Variants in RFC4 observed in about 807,000 individuals in gnomAD.
RFC4 encodes the protein replication factor C subunit 4.
Under a neutral mutation model 47.6 loss-of-function variants are expected in RFC4, and 38 were observed. The ratio of observed to expected loss-of-function variants is 0.80; its 90% CI spans 0.62 to 1.05. The LOEUF is 1.05. Ranked by LOEUF, RFC4 falls within the 50% of genes least tolerant of loss-of-function variation. The pLI is 0.00. For missense variants in RFC4, 489 were observed against 434.0 expected (o/e 1.13, Z -1.13); for synonymous variants, 164 against 150.0 (o/e 1.09, Z -0.68).
At chr3:186,790,483 C>T (rs1177966579) in intron 8 of RFC4, 77 bp from the exon 9 acceptor site, 3 of 1,007,822 alleles carry the variant, frequency 3.0e-6, no homozygotes, top group East Asian at 2.4e-5. Flanking sequence ...GGCCCCCGTG[C>T]CCCCAGTCAT....
At position 186,804,556 on chromosome 3, in the gene RFC4, T is replaced by G. The variant is rs372712441; in HGVS notation, c.131+27A>C. On this transcript the variant is annotated intron_variant, in intron 2 of 10. Coordinates refer to ENST00000296273, the MANE Select transcript of RFC4 (RefSeq NM_002916.5). ...GGTTAGAGAGATAATTTATGAATTA[T>G]TTTAACAAAGACACAAGTGTTCTTA... 3 of 1,611,500 alleles carry G rather than the reference T, an allele frequency of 1.9e-6. No homozygotes were observed. The African/African-American group carries it at 4.0e-5, about 22-fold the overall frequency.
At chr3:186,797,182 A>AGT (rs570537709) in intron 4 of RFC4, among the ~76,000 whole-genome samples, 273 of 152,358 alleles carry the variant, frequency 1.8e-3, no homozygotes, top group African/African-American at 6.0e-3. Context: ...GTAGCCACAC[A>AGT]GATGTGAACA....
chr3:186,794,907 T>C, intron 4 of RFC4, 130 bp from the exon 5 acceptor site: 1 of 1,008,394 alleles, frequency 9.9e-7, no homozygotes. Flanking sequence ...ACACAATCAC[T>C]TTTGCATTCT....
chr3:186,792,034 TCTTG>T (rs772694577), intron 7 of RFC4, among the ~76,000 whole-genome samples, 184 bp from the exon 8 acceptor site: 8 of 152,230 alleles, frequency 5.3e-5, no homozygotes, highest in African/African-American at 1.7e-4. Context: ...GATAGAGATC[TCTTG>T]CTTCTGAAAT....
chr3:186,804,545 T>C lies in RFC4; in HGVS notation c.131+38A>G, dbSNP rs779526627. 29 of 1,604,192 alleles carry C rather than the reference T, an allele frequency of 1.8e-5. No individual in the cohort carries two copies. In the South Asian group the frequency reaches 2.7e-4, roughly 15 times the overall value. On this transcript the variant is annotated intron_variant, in intron 2 of 10. Coordinates refer to ENST00000296273, the MANE Select transcript of RFC4 (RefSeq NM_002916.5). ...TGATCAGTACTGGTTAGAGAGATAA[T>C]TTATGAATTATTTTAACAAAGACAC...
chr3:186,804,582 C>A lies in RFC4; in HGVS notation c.131+1G>T, dbSNP rs761708733. Reference sequence around the variant, plus strand: ...TTTAACAAAGACACAAGTGTTCTTACTATTTTTCCACCCAGGGAACGGGTT... The same window carrying A: ...TTTAACAAAGACACAAGTGTTCTTAATATTTTTCCACCCAGGGAACGGGTT... On this transcript the variant is annotated splice_donor_variant, in intron 2 of 10. Transcript: ENST00000296273. LOFTEE classifies it high-confidence loss of function. 2.5e-6 allele frequency: 4 copies of A among 1,613,282 alleles called. No individual in the cohort carries two copies. The Admixed American group carries it at 6.7e-5, about 27-fold the overall frequency.
chr3:186,804,225 TGAG>T (rs1722425804), intron 2 of RFC4, among the ~76,000 whole-genome samples: 1 of 152,100 alleles, frequency 6.6e-6, no homozygotes, highest in South Asian at 2.1e-4. Context: ...CCTATTGTAA[TGAG>T]AAGAAGGAGG....
chr3:186,795,608 C>T (rs551476827), intron 4 of RFC4, among the ~76,000 whole-genome samples: 7 of 152,198 alleles, frequency 4.6e-5, no homozygotes, highest in Non-Finnish European at 1.0e-4. Context: ...GCCTGACCAA[C>T]GTGGTGAAAC....
At position 186,793,967 on chromosome 3, in the gene RFC4, C is replaced by CT. The variant is rs1433876114; in HGVS notation, c.410+690dup. Among the ~76,000 whole-genome samples the CT allele has an allele frequency of 3.9e-5, 6 of 152,340 alleles. No homozygotes were observed. In the East Asian group the frequency reaches 1.2e-3, roughly 29 times the overall value. Reference sequence around the variant, plus strand: ...TCGATCTCCTGACCTTGTGATCCACCTGCCTCGGCCTCCCAAAGTGCTGGG... The same window carrying CT: ...TCGATCTCCTGACCTTGTGATCCACCTTGCCTCGGCCTCCCAAAGTGCTGGG... On this transcript the variant is annotated intron_variant, in intron 5 of 10. Coordinates refer to ENST00000296273, the MANE Select transcript of RFC4 (RefSeq NM_002916.5). This position sits in a 1 kb window ranked among gnomAD's most constrained non-coding sequence, Gnocchi z 4.2.
chr3:186,800,943 T>C (rs1579182773), intron 3 of RFC4, among the ~76,000 whole-genome samples, 174 bp downstream of exon 3: 1 of 152,218 alleles, frequency 6.6e-6, no homozygotes, highest in African/African-American at 2.4e-5. Flanking sequence ...TAAGATTAAA[T>C]AGGAGATGCT....
At position 186,791,812 on chromosome 3, in the gene RFC4, T is replaced by TA. The variant is rs866516393; in HGVS notation, c.713dup (p.Leu238PhefsTer35). 5.0e-6 allele frequency: 8 copies of TA among 1,612,274 alleles called. No homozygotes were observed. Among genetic ancestry groups the TA allele is most frequent in the African/African-American group, 1.3e-5 (1 of 74,884 alleles). On this transcript the variant is annotated frameshift_variant, in exon 8 of 11. Transcript: ENST00000296273. LOFTEE classifies it high-confidence loss of function. Reference sequence around the variant, plus strand: ...TTTGAAGAAATGTAATGGCTTTTCTTAAGTCTCCTTCTGACACTTTAACAA... The same window carrying TA: ...TTTGAAGAAATGTAATGGCTTTTCTTAAAGTCTCCTTCTGACACTTTAACAA...
Position 186,806,439 on chromosome 3 carries a change from C to T in RFC4, c.-161G>A, listed in dbSNP as rs1211337409. 6.6e-6 allele frequency: 1 copy of T among 152,266 alleles called. No homozygotes were observed. The allele number at this position is 152,266 out of a possible 1,614,324, so 9.4% of individuals were successfully genotyped here. On this transcript the variant is annotated 5_prime_UTR_variant, in exon 1 of 11. Coordinates refer to ENST00000296273, the MANE Select transcript of RFC4 (RefSeq NM_002916.5). ...AGGAGACTTACGATCACTGATGTCC[C>T]CACAGTCGCCTCAGTTCCCGCCACG...
At chr3:186,798,756 C>G (rs1322559941) in intron 3 of RFC4, among the ~76,000 whole-genome samples, 1 of 152,136 alleles carries the variant, frequency 6.6e-6, no homozygotes, top group Non-Finnish European at 1.5e-5. Flanking sequence ...ACCATTCAGT[C>G]TAAAGTAGGT....
chr3:186,790,262 T>TAA lies in RFC4; in HGVS notation c.883-9_883-8dup, dbSNP rs746846143. Reference sequence around the variant, plus strand: ...GACCCTCATCTATTAAATCCTATAATAAAAAAAACTTTTGGTATGATGACT... The same window carrying TAA: ...GACCCTCATCTATTAAATCCTATAATAAAAAAAAAACTTTTGGTATGATGACT... On this transcript the variant is annotated splice_polypyrimidine_tract_variant and splice_region_variant and intron_variant, in intron 9 of 10. Transcript: ENST00000296273. 46 of 1,611,534 alleles carry TAA rather than the reference T, an allele frequency of 2.9e-5. No homozygotes were observed. The highest frequency in any genetic ancestry group is 3.9e-5 in the Non-Finnish European group (46 of 1,177,986).
At chr3:186,792,642 C>G in intron 6 of RFC4, 32 bp from the exon 7 acceptor site, 1 of 1,592,052 alleles carries the variant, frequency 6.3e-7, no homozygotes, top group Non-Finnish European at 8.6e-7. Flanking sequence ...AAGTTGGTGT[C>G]TAAAGAAAGA....
In RFC4 at chr3:186,796,202, TAAAG is replaced by T. The variant is rs201648331; in HGVS notation, c.290+1329_290+1332del. ...CAATATTAAATATGAAATTCACTGTTAAAGTAAGTTCTTTAAAGACAAACATTAT... is the reference window on the plus strand; with the variant it reads ...CAATATTAAATATGAAATTCACTGTTTAAGTTCTTTAAAGACAAACATTAT... On this transcript the variant is annotated intron_variant, in intron 4 of 10. Coordinates refer to ENST00000296273, the MANE Select transcript of RFC4 (RefSeq NM_002916.5). This position sits in a 1 kb window ranked among gnomAD's most constrained non-coding sequence, Gnocchi z 4.2. Among the ~76,000 whole-genome samples, 1,380 of 118,774 alleles carry T rather than the reference TAAAG, an allele frequency of 0.012. 13 individuals are homozygous for T. Among genetic ancestry groups the T allele is most frequent in the Middle Eastern group, 0.03 (8 of 266 alleles). The allele number at this position is 118,774 out of a possible 152,430, so 77.9% of individuals were successfully genotyped here. A position where few individuals can be genotyped will look rare whatever the true frequency, so the allele number is the denominator to read the frequency against.
rs1199460346 is a variant in RFC4 at position 186,791,852 on chromosome 3, TGAAGA to T, written c.676-7_676-3del. On this transcript the variant is annotated splice_polypyrimidine_tract_variant and splice_region_variant and intron_variant, in intron 7 of 10. Coordinates refer to ENST00000296273, the MANE Select transcript of RFC4 (RefSeq NM_002916.5). ...CACTTTAACAAGATAAGCTATTCCC[TGAAGA>T]GAAAAGAGTTGTTTTTAACCTATGA... is the stretch of plus-strand genomic sequence containing the variant. 1 of 1,610,224 alleles carries T rather than the reference TGAAGA, an allele frequency of 6.2e-7. No homozygotes were observed. The highest frequency in any genetic ancestry group is 1.1e-5 in the South Asian group (1 of 90,870).
intron 3 of RFC4, among the ~76,000 whole-genome samples, chr3:186,797,892 A>G (rs1722275087): frequency 2.0e-5 from 3 of 152,082 alleles, no homozygotes; most frequent in Admixed American, 2.0e-4. Context: ...CTTAGGTGAA[A>G]TTTTCAAAGC....
Position 186,804,450 on chromosome 3 carries a change from G to T in RFC4, c.131+133C>A, listed in dbSNP as rs536890054. ...AGGGTTCTATGACTTATATAAGTGG[G>T]TGATTTTTTTTCAAAGACAACTTCT... On this transcript the variant is annotated intron_variant, in intron 2 of 10. Coordinates refer to ENST00000296273, the MANE Select transcript of RFC4 (RefSeq NM_002916.5). The T allele has an allele frequency of 5.4e-5, 44 of 822,298 alleles. No homozygotes were observed. In the South Asian group the frequency reaches 8.9e-4, roughly 17 times the overall value. The allele number at this position is 822,298 out of a possible 1,614,324, so 50.9% of individuals were successfully genotyped here. A position where few individuals can be genotyped will look rare whatever the true frequency, so the allele number is the denominator to read the frequency against.
Sources: allele counts gnomAD v4.1 joint callset (sites outside exome capture counted in the v4.1 genomes callset), GRCh38; gene constraint gnomAD v4.1.1; non-coding constraint Gnocchi (gnomAD v3.1); transcripts MANE v1.5; gene names NCBI Gene and HGNC (gene_info 2026-07-23, HGNC 2026-07-21).